SMARCAD1: variants seen among roughly 807,000 people sequenced by gnomAD.
The protein encoded by SMARCAD1 is SWI/SNF-related matrix-associated actin-dependent regulator of chromatin subfamily A containing DEAD/H box 1.
Under a neutral mutation model 127.1 loss-of-function variants are expected in SMARCAD1, and 25 were observed. The observed-to-expected ratio is 0.20, with a 90% CI of 0.14 to 0.27. The LOEUF is 0.27. Ranked by LOEUF, SMARCAD1 falls within the 10% of genes least tolerant of loss-of-function variation. SMARCAD1 has a pLI of 1.00. For missense variants in SMARCAD1, 807 were observed against 1,206.0 expected, an observed-to-expected ratio of 0.67 and a Z score of 4.90; for synonymous variants, 400 against 396.9, an observed-to-expected ratio of 1.01 and a Z score of -0.09.
chr4:94,253,289 AG>A lies in SMARCAD1; in HGVS notation c.1281+283del, dbSNP rs1201673946. ...ATAGAAACTTCGTTCATTTCACTGC[AG>A]AAGAAGAAATTAGAGCTTACATTTA... On this transcript the variant is annotated intron_variant, in intron 9 of 23. Coordinates refer to ENST00000354268, the MANE Select transcript of SMARCAD1 (RefSeq NM_020159.5). The A allele has an allele frequency of 6.4e-6, 9 of 1,407,608 alleles. No individual in the cohort carries two copies. In the African/African-American group the frequency reaches 1.3e-4, roughly 20 times the overall value. The allele number at this position is 1,407,608 out of a possible 1,614,324, so 87.2% of individuals were successfully genotyped here.
chr4:94,284,326 CAAAAAAAA>C (rs1161926658), intron 22 of SMARCAD1, among the ~76,000 whole-genome samples: 1,190 of 25,860 alleles, frequency 0.046, 21 homozygotes, highest in African/African-American at 0.11. Context: ...GACTCCGTCT[CAAAAAAAA>C]AAAAAAAAAA....
intron 16 of SMARCAD1, among the ~76,000 whole-genome samples, chr4:94,277,756 T>C (rs902448804): frequency 2.0e-5 from 3 of 152,230 alleles, no homozygotes; most frequent in Non-Finnish European, 2.9e-5. Context: ...ACTAATCTTT[T>C]GCAAGAATTT....
At chr4:94,248,577 C>G (rs1034686923) in intron 6 of SMARCAD1, 1 of 455,454 alleles carries the variant, frequency 2.2e-6, no homozygotes, top group Non-Finnish European at 4.4e-6. Context: ...TTCCCCTGCT[C>G]AAAATCCTGT....
chr4:94,270,012 T>A (rs1021772453), intron 10 of SMARCAD1, among the ~76,000 whole-genome samples: 2 of 151,952 alleles, frequency 1.3e-5, no homozygotes, highest in Non-Finnish European at 2.9e-5. Flanking sequence ...CAATTCATTC[T>A]CAGGGATTAG....
chr4:94,253,093 G>C, intron 9 of SMARCAD1, 86 bp downstream of exon 9: 1 of 1,589,708 alleles, frequency 6.3e-7, no homozygotes, highest in Non-Finnish European at 8.5e-7. Flanking sequence ...CTTCAGCCCA[G>C]GTAAGCATAG....
intron 6 of SMARCAD1, among the ~76,000 whole-genome samples, chr4:94,246,312 T>C (rs1331695025): frequency 1.3e-5 from 2 of 151,814 alleles, no homozygotes; most frequent in Non-Finnish European, 2.9e-5. Context: ...GTAGAAACGG[T>C]GTTTCACTGT....
At position 94,241,131 on chromosome 4, in the gene SMARCAD1, A is replaced by G. The variant is rs1579142493; in HGVS notation, c.705+125A>G. ...ATTCCTTTCTATCACAACTAAGGGAATTTACGTCTACATTTAATTTGTGAC... is the reference window on the plus strand; with the variant it reads ...ATTCCTTTCTATCACAACTAAGGGAGTTTACGTCTACATTTAATTTGTGAC... On this transcript the variant is annotated intron_variant, in intron 6 of 23. Transcript: ENST00000354268. 1.2e-5 allele frequency: 8 copies of G among 684,242 alleles called. No homozygotes were observed. In the East Asian group the frequency reaches 2.0e-4, roughly 17 times the overall value. The allele number at this position is 684,242 out of a possible 1,614,324, so 42.4% of individuals were successfully genotyped here. A position where few individuals can be genotyped will look rare whatever the true frequency, so the allele number is the denominator to read the frequency against.
chr4:94,280,550 T>A lies in SMARCAD1; in HGVS notation c.2419-42T>A, dbSNP rs1347485196. The A allele has an allele frequency of 2.0e-6, 3 of 1,527,636 alleles. No individual in the cohort carries two copies. In the African/African-American group the frequency reaches 4.1e-5, roughly 21 times the overall value. The allele number at this position is 1,527,636 out of a possible 1,614,324, so 94.6% of individuals were successfully genotyped here. On this transcript the variant is annotated intron_variant, in intron 19 of 23. Transcript: ENST00000354268. ...AAACTTTTCTCATCATATTATTAAT[T>A]ATTTTTATTTTGAAGTATACTGTGT...
intron 2 of SMARCAD1, among the ~76,000 whole-genome samples, chr4:94,219,791 C>T (rs2125813892): frequency 6.6e-6 from 1 of 152,250 alleles, no homozygotes; most frequent in South Asian, 2.1e-4. Context: ...ACAAATTATG[C>T]TTATAACATA....
At chr4:94,210,362 A>C (rs1052010643) in intron 2 of SMARCAD1, among the ~76,000 whole-genome samples, 1 of 152,244 alleles carries the variant, frequency 6.6e-6, no homozygotes, top group South Asian at 2.1e-4. Context: ...ATTTTGGAGA[A>C]TCTTGAAAAC....
intron 2 of SMARCAD1, among the ~76,000 whole-genome samples, chr4:94,217,047 A>G (rs986064600): frequency 6.6e-6 from 1 of 152,154 alleles, no homozygotes; most frequent in Non-Finnish European, 1.5e-5. Flanking sequence ...ATTTCTGCCA[A>G]CAGTGTGGTG....
At chr4:94,282,529 G>GT (rs1754256818) in intron 21 of SMARCAD1, among the ~76,000 whole-genome samples, 1 of 151,882 alleles carries the variant, frequency 6.6e-6, no homozygotes, top group African/African-American at 2.4e-5. Flanking sequence ...GGTAATTAAA[G>GT]TTTTTTTAAT....
At chr4:94,270,869 T>G in intron 11 of SMARCAD1, 51 bp downstream of exon 11, 1 of 1,535,954 alleles carries the variant, frequency 6.5e-7, no homozygotes, top group Non-Finnish European at 9.0e-7. Flanking sequence ...CATTAAAAGG[T>G]ATTCTTGCTG....
At position 94,226,070 on chromosome 4, in the gene SMARCAD1, T is replaced by A. The variant is rs116697560; in HGVS notation, c.191-49T>A. 116 of 1,435,660 alleles carry A rather than the reference T, an allele frequency of 8.1e-5. No individual in the cohort carries two copies. The African/African-American group carries it at 1.5e-3, about 18-fold the overall frequency. The allele number at this position is 1,435,660 out of a possible 1,614,324, so 88.9% of individuals were successfully genotyped here. ...CACATGATTATAACTAACAACAGATTCGTTTTCCAGTTGCTCAAAATATTT... is the reference window on the plus strand; with the variant it reads ...CACATGATTATAACTAACAACAGATACGTTTTCCAGTTGCTCAAAATATTT... On this transcript the variant is annotated intron_variant, in intron 2 of 23. Transcript: ENST00000354268.
chr4:94,276,497 T>C lies in SMARCAD1; in HGVS notation c.1944+23T>C, dbSNP rs202131764. 2.9e-5 allele frequency: 47 copies of C among 1,613,440 alleles called. No homozygotes were observed. The Admixed American group carries it at 6.8e-4, about 23-fold the overall frequency. On this transcript the variant is annotated intron_variant, in intron 15 of 23. Coordinates refer to ENST00000354268, the MANE Select transcript of SMARCAD1 (RefSeq NM_020159.5). ...AATGTAAGAGAATGTTTGTAAAGTT[T>C]TCCAAATTACTGTAAAATTTAGATT...
At chr4:94,226,508 T>A (rs959797485) in intron 3 of SMARCAD1, among the ~76,000 whole-genome samples, 1 of 15,636 alleles carries the variant, frequency 6.4e-5, no homozygotes, top group Non-Finnish European at 1.0e-4. Flanking sequence ...ATAACAGTGA[T>A]TTTTTTTTTT....
At chr4:94,272,550 A>G (rs1390591587) in intron 11 of SMARCAD1, among the ~76,000 whole-genome samples, 1 of 151,986 alleles carries the variant, frequency 6.6e-6, no homozygotes, top group East Asian at 1.9e-4. Flanking sequence ...TCTTATACCT[A>G]TCCTCGTGGA....
intron 11 of SMARCAD1, among the ~76,000 whole-genome samples, chr4:94,273,160 C>T (rs1487812796): frequency 1.3e-5 from 2 of 152,184 alleles, no homozygotes; most frequent in Non-Finnish European, 2.9e-5. Context: ...AACATTCTTA[C>T]CCAAGTCCTT....
At chr4:94,254,836 A>C (rs1245490525) in intron 9 of SMARCAD1, among the ~76,000 whole-genome samples, 1 of 152,074 alleles carries the variant, frequency 6.6e-6, no homozygotes, top group African/African-American at 2.4e-5. Context: ...TTAAATTTTA[A>C]TTTGCTTAGA....
Sources: gnomAD v4.1 joint callset for allele counts (sites outside exome capture counted in the v4.1 genomes callset) on GRCh38, gnomAD v4.1.1 for gene constraint, MANE v1.5 for transcripts, NCBI Gene and HGNC (gene_info 2026-07-23, HGNC 2026-07-21) for gene names.